The following ABR variants were observed in gnomAD, a reference collection of about 807,000 sequenced individuals.
The protein encoded by ABR is ABR activator of RhoGEF and GTPase.
In ABR, 35 loss-of-function variants were observed where a neutral mutation model predicts 107.2. The ratio of observed to expected loss-of-function variants is 0.33; its 90% CI spans 0.25 to 0.43. The LOEUF (loss-of-function observed/expected upper bound fraction) is 0.43. Among genes scored for constraint, ABR ranks in the 20% least tolerant of loss-of-function variants. ABR has a pLI of 1.00. For missense variants in ABR, 815 were observed against 1,115.2 expected, an observed-to-expected ratio of 0.73 and a Z score of 3.83; for synonymous variants, 498 against 462.0, an observed-to-expected ratio of 1.08 and a Z score of -1.00.
At chr17:1,110,060 C>G (rs188206748) in intron 2 of ABR, among the ~76,000 whole-genome samples, 12 of 150,746 alleles carry the variant, frequency 8.0e-5, no homozygotes, top group Non-Finnish European at 1.5e-4. Flanking sequence ...TCCAAGCAGC[C>G]CCCCCAGCCA....
intron 2 of ABR, among the ~76,000 whole-genome samples, chr17:1,122,381 T>C (rs2039393169): frequency 1.3e-5 from 2 of 152,250 alleles, no homozygotes; most frequent in African/African-American, 4.8e-5. Context: ...GAGGTTGATA[T>C]GTGTATTGGT....
At chr17:1,015,277 TG>T (rs2071053503) in intron 16 of ABR, among the ~76,000 whole-genome samples, 1 of 150,988 alleles carries the variant, frequency 6.6e-6, no homozygotes, top group Non-Finnish European at 1.5e-5. Context: ...GTGAGCCGGG[TG>T]TGGTGGCGGG....
rs548175839 is a variant in ABR, at chr17:1,010,079, A to G, written c.2237-295T>C. ...GGGGCATCCCCTGTCTCGTAACAGG[A>G]CACCCCCTGGTCTGTGTGGCTAAGG... On this transcript the variant is annotated intron_variant, in intron 20 of 22. Coordinates refer to ENST00000302538, the MANE Select transcript of ABR (RefSeq NM_021962.5). This position sits in a 1 kb window ranked among gnomAD's most constrained non-coding sequence, Gnocchi z 4.1. The G allele has an allele frequency of 6.0e-5, 31 of 518,956 alleles. No individual in the cohort carries two copies. The South Asian group carries it at 6.8e-4, about 11-fold the overall frequency. The allele number at this position is 518,956 out of a possible 1,614,324, so 32.1% of individuals were successfully genotyped here. A position where few individuals can be genotyped will look rare whatever the true frequency, so the allele number is the denominator to read the frequency against.
intron 16 of ABR, among the ~76,000 whole-genome samples, chr17:1,038,565 G>A (rs1029136453): frequency 2.6e-5 from 4 of 152,208 alleles, no homozygotes; most frequent in African/African-American, 9.7e-5. Flanking sequence ...CCGAGGGCGT[G>A]AACACGGTGT....
In ABR at chr17:1,012,577, G is replaced by T. The variant is rs1340094626; in HGVS notation, c.1961+111C>A. On this transcript the variant is annotated intron_variant, in intron 18 of 22. Coordinates refer to ENST00000302538, the MANE Select transcript of ABR (RefSeq NM_021962.5). ...GGCCATCTGCCACCGCCGAGCGGGG[G>T]GTAACTGATTAGGTGCCAGGATGGG... The T allele has an allele frequency of 2.5e-5, 20 of 797,226 alleles. No homozygotes were observed. The East Asian group carries it at 5.3e-4, about 21-fold the overall frequency. 49.4% of individuals were successfully genotyped at this position (797,226 alleles called of 1,614,324 possible). A position where few individuals can be genotyped will look rare whatever the true frequency, so the allele number is the denominator to read the frequency against.
At chr17:1,048,201 C>A (rs1354154813) in intron 16 of ABR, among the ~76,000 whole-genome samples, 1 of 152,228 alleles carries the variant, frequency 6.6e-6, no homozygotes, top group African/African-American at 2.4e-5. Context: ...TGGCAGTTGC[C>A]TGGCAGCCCT....
intron 21 of ABR, among the ~76,000 whole-genome samples, chr17:1,007,675 T>A (rs903373798): frequency 1.3e-5 from 2 of 152,202 alleles, no homozygotes; most frequent in Non-Finnish European, 2.9e-5. Flanking sequence ...GAGGTAAATA[T>A]GATTATCGTC....
chr17:1,031,805 CAGTCCCGCTAGTTCCCT>C (rs896651024), intron 16 of ABR: 2 of 1,185,710 alleles, frequency 1.7e-6, no homozygotes, highest in African/African-American at 3.2e-5. Context: ...TCCCGGCTGC[CAGTCCCGCTAGTTCCCT>C]AGTCCCGCCG....
intron 1 of ABR, among the ~76,000 whole-genome samples, chr17:1,134,888 G>T (rs746796700): frequency 1.3e-5 from 2 of 152,256 alleles, no homozygotes; most frequent in Admixed American, 1.3e-4. Context: ...ATGGATACGG[G>T]TTTAGCAAAT....
chr17:1,060,940 C>A (rs916542533), intron 10 of ABR, among the ~76,000 whole-genome samples: 1 of 151,900 alleles, frequency 6.6e-6, no homozygotes, highest in African/African-American at 2.4e-5. Flanking sequence ...TGCAGTGAGC[C>A]GAGATTGTGC....
upstream of ABR, among the ~76,000 whole-genome samples, chr17:1,190,304 A>G (rs1055848223): frequency 2.0e-5 from 3 of 152,212 alleles, no homozygotes; most frequent in African/African-American, 7.2e-5. Flanking sequence ...CAGTTCTCAG[A>G]GTCCTTCTCC....
At chr17:1,028,114 C>T (rs1025440978) in intron 16 of ABR, among the ~76,000 whole-genome samples, 3 of 152,000 alleles carry the variant, frequency 2.0e-5, no homozygotes, top group Admixed American at 6.5e-5. Context: ...ACCCCAAGAC[C>T]GAGTCTCGCT....
Position 1,058,996 on chromosome 17 carries a change from T to A in ABR, c.1183-129A>T, listed in dbSNP as rs1567672732. 2.2e-6 allele frequency: 3 copies of A among 1,390,818 alleles called. No individual in the cohort carries two copies. In the South Asian group the frequency reaches 4.2e-5, roughly 19 times the overall value. The allele number at this position is 1,390,818 out of a possible 1,614,324, so 86.2% of individuals were successfully genotyped here. A position where few individuals can be genotyped will look rare whatever the true frequency, so the allele number is the denominator to read the frequency against. On this transcript the variant is annotated intron_variant, in intron 10 of 22. Coordinates refer to ENST00000302538, the MANE Select transcript of ABR (RefSeq NM_021962.5). ...TTCCGTATTTCGTGATGTTTTGACA[T>A]CTTGTGGCAGGAGAGGCGGGTAGCT...
chr17:1,194,400 G>T (rs1278401596), intron 1 of ABR, among the ~76,000 whole-genome samples: 2 of 151,490 alleles, frequency 1.3e-5, no homozygotes, highest in East Asian at 4.0e-4. Flanking sequence ...GTTTCACCAT[G>T]TTGGCCATGC....
At chr17:1,083,375 G>A in intron 5 of ABR, 145 bp downstream of exon 5, 1 of 443,576 alleles carries the variant, frequency 2.3e-6, no homozygotes, top group Non-Finnish European at 4.1e-6. Context: ...AAAATGTCAG[G>A]TGCAAGAAAG....
rs183015674 is a variant in ABR, at chr17:1,215,305, A to G, written c.838+13488T>C. ...TGATGCCGAGCCGAAGCTGGACTGTACTGCTGCCATCTCGGCTCACTGCAA... is the reference window on the plus strand; with the variant it reads ...TGATGCCGAGCCGAAGCTGGACTGTGCTGCTGCCATCTCGGCTCACTGCAA... On this transcript the variant is annotated intron_variant, in intron 1 of 22. Transcript: ENST00000574139. Among the ~76,000 whole-genome samples the G allele has an allele frequency of 2.9e-3, 445 of 151,106 alleles. 2 individuals are homozygous for G. The highest frequency in any genetic ancestry group is 8.3e-3 in the African/African-American group (344 of 41,388).
Position 1,174,413 on chromosome 17 carries a change from G to A in ABR, c.61+5254C>T, listed in dbSNP as rs1036004316. On this transcript the variant is annotated intron_variant, in intron 1 of 22. Coordinates refer to ENST00000302538, the MANE Select transcript of ABR (RefSeq NM_021962.5). ...GAGAACTGAACTGCTCTGATCAAAC[G>A]CACACAGGCTGTCAGACCAGTGGCT... is the stretch of plus-strand genomic sequence containing the variant. 8.5e-5 allele frequency among the ~76,000 whole-genome samples: 13 copies of A among 152,232 alleles called. 1 individual carries two copies. Among genetic ancestry groups the A allele is most frequent in the Admixed American group, 3.9e-4 (6 of 15,278 alleles).
chr17:1,037,535 C>G lies in ABR; in HGVS notation c.1791+12515G>C, dbSNP rs2073289238. Among the ~76,000 whole-genome samples the G allele has an allele frequency of 6.6e-6, 1 of 152,234 alleles. No individual in the cohort carries two copies. Among genetic ancestry groups the G allele is most frequent in the Admixed American group, 6.5e-5 (1 of 15,288 alleles). On this transcript the variant is annotated intron_variant, in intron 16 of 22. Coordinates refer to ENST00000302538, the MANE Select transcript of ABR (RefSeq NM_021962.5). This position sits in a 1 kb window ranked among gnomAD's most constrained non-coding sequence, Gnocchi z 4.6. ...TGGTCATGGAAAAGGGTGAAAAATG[C>G]ACTTGAGCCTTTGGGAACATCTTGC... is the stretch of plus-strand genomic sequence containing the variant.
intron 2 of ABR, among the ~76,000 whole-genome samples, chr17:1,102,197 A>G (rs2037945987): frequency 6.6e-6 from 1 of 152,132 alleles, no homozygotes; most frequent in Admixed American, 6.5e-5. Flanking sequence ...CAGGAGAACC[A>G]GCCTCCTCAT....
Sources: gnomAD v4.1 joint callset for allele counts (sites outside exome capture counted in the v4.1 genomes callset) on GRCh38, gnomAD v4.1.1 for gene constraint, Gnocchi (gnomAD v3.1) non-coding constraint, MANE v1.5 for transcripts, NCBI Gene and HGNC (gene_info 2026-07-23, HGNC 2026-07-21) for gene names.